CIBAR1: variants seen among roughly 807,000 people sequenced by gnomAD.
The protein encoded by CIBAR1 is CBY1-interacting BAR domain-containing protein 1.
A neutral mutation model predicts 44.0 loss-of-function variants in CIBAR1; 25 were observed. The ratio of observed to expected loss-of-function variants is 0.57; its 90% CI spans 0.41 to 0.79. The LOEUF is 0.79. Ranked by LOEUF, CIBAR1 falls within the 30% of genes least tolerant of loss-of-function variation. CIBAR1 has a pLI of 0.00. For synonymous variants in CIBAR1, 115 were observed against 119.0 expected, an observed-to-expected ratio of 0.97 and a Z score of 0.22; for missense variants, 278 against 344.8, an observed-to-expected ratio of 0.81 and a Z score of 1.53.
intron 2 of CIBAR1, 67 bp downstream of exon 2, chr8:93,701,525 G>C: frequency 7.2e-7 from 1 of 1,393,660 alleles, no homozygotes; most frequent in Non-Finnish European, 9.9e-7. Context: ...AGGAACCGTG[G>C]AAACTTTCAC....
intron 8 of CIBAR1, 102 bp downstream of exon 8, chr8:93,726,615 C>A (rs1395522807): frequency 2.9e-6 from 4 of 1,364,618 alleles, no homozygotes; most frequent in Non-Finnish European, 4.1e-6. Flanking sequence ...GGTAACTTAT[C>A]CTCCCCTGGA....
At chr8:93,727,537 A>G (rs1811574759) in intron 8 of CIBAR1, among the ~76,000 whole-genome samples, 3 of 152,156 alleles carry the variant, frequency 2.0e-5, no homozygotes, top group African/African-American at 7.2e-5. Context: ...CCAGGGAGGA[A>G]GAAGGGGACG....
chr8:93,720,278 G>A (rs989190307), intron 7 of CIBAR1, among the ~76,000 whole-genome samples: 2 of 151,930 alleles, frequency 1.3e-5, no homozygotes. Context: ...CACTGCGCCT[G>A]GCCTAGTTTT....
chr8:93,712,739 G>A (rs2130327306), intron 6 of CIBAR1, among the ~76,000 whole-genome samples: 1 of 150,958 alleles, frequency 6.6e-6, no homozygotes, highest in South Asian at 2.1e-4. Context: ...TCTCCTAGTG[G>A]ATTTGAAGTA....
chr8:93,708,195 TG>T (rs1745531206), intron 5 of CIBAR1, among the ~76,000 whole-genome samples, 179 bp downstream of exon 5: 1 of 152,202 alleles, frequency 6.6e-6, no homozygotes. Flanking sequence ...TGATGATATA[TG>T]TGACTTTTGA....
intron 4 of CIBAR1, among the ~76,000 whole-genome samples, chr8:93,706,504 G>A (rs1293042685): frequency 6.6e-6 from 1 of 152,130 alleles, no homozygotes; most frequent in African/African-American, 2.4e-5. Context: ...GAGTTGGGGA[G>A]GTGGTGATAC....
intron 6 of CIBAR1, among the ~76,000 whole-genome samples, chr8:93,714,198 C>T (rs1810945812): frequency 6.6e-6 from 1 of 151,960 alleles, no homozygotes; most frequent in South Asian, 2.1e-4. Flanking sequence ...AAACTTCTTC[C>T]TAAGTATTTT....
At chr8:93,725,316 G>A (rs1408273920) in intron 7 of CIBAR1, among the ~76,000 whole-genome samples, 1 of 152,116 alleles carries the variant, frequency 6.6e-6, no homozygotes, top group Non-Finnish European at 1.5e-5. Flanking sequence ...TGGCCTAAAG[G>A]AAACCCTTTA....
chr8:93,712,216 G>C (rs1230952995), intron 6 of CIBAR1, among the ~76,000 whole-genome samples: 1 of 152,064 alleles, frequency 6.6e-6, no homozygotes, highest in East Asian at 1.9e-4. Flanking sequence ...TTTAGCTTTT[G>C]CCCCCCTGCC....
intron 6 of CIBAR1, among the ~76,000 whole-genome samples, chr8:93,710,643 G>A (rs1336908508): frequency 1.3e-5 from 2 of 151,932 alleles, no homozygotes; most frequent in African/African-American, 4.8e-5. Flanking sequence ...AGACCAGCCT[G>A]GCCAATGTGG....
intron 7 of CIBAR1, among the ~76,000 whole-genome samples, chr8:93,722,155 A>G (rs1811288339): frequency 6.6e-6 from 1 of 152,248 alleles, no homozygotes; most frequent in Non-Finnish European, 1.5e-5. Flanking sequence ...GAACTGTGGA[A>G]CCAGGGGAAG....
In CIBAR1 at chr8:93,705,015, C is replaced by G; in HGVS notation, c.432+5C>G. On this transcript the variant is annotated splice_donor_5th_base_variant and intron_variant, in intron 4 of 8. Coordinates refer to ENST00000518322, the MANE Select transcript of CIBAR1 (RefSeq NM_145269.5). ...CCATCTGATCGACATGTTATTGTATCCTTTGAATTTGGGTCTTTAAAAAAA... is the reference window on the plus strand; with the variant it reads ...CCATCTGATCGACATGTTATTGTATGCTTTGAATTTGGGTCTTTAAAAAAA... 2 of 1,603,454 alleles carry G rather than the reference C, an allele frequency of 1.2e-6. No homozygotes were observed. The highest frequency in any genetic ancestry group is 4.5e-5 in the East Asian group (2 of 44,736).
At chr8:93,728,072 A>G in intron 8 of CIBAR1, 133 bp from the exon 9 acceptor site, 1 of 481,782 alleles carries the variant, frequency 2.1e-6, no homozygotes, top group Non-Finnish European at 3.6e-6. Context: ...AATTTTCACT[A>G]CTAAAAATTA....
intron 8 of CIBAR1, chr8:93,727,068 A>C (rs1400167219): frequency 1.8e-6 from 1 of 563,868 alleles, no homozygotes; most frequent in Non-Finnish European, 3.1e-6. Context: ...ATAAATAACA[A>C]CTGTTAAGTA....
In CIBAR1 at chr8:93,729,326, C is replaced by G. The variant is rs1342525273; in HGVS notation, c.*1029C>G. ...ATAGTCCTAAGTGACAAAGTTGTTT[C>G]AGTACTTTTTTGTAAAATATTTAAA... On this transcript the variant is annotated 3_prime_UTR_variant, in exon 9 of 9. Transcript: ENST00000518322. The G allele has an allele frequency of 1.3e-5, 2 of 152,056 alleles. No individual in the cohort carries two copies. Among genetic ancestry groups the G allele is most frequent in the East Asian group, 3.9e-4 (2 of 5,194 alleles). 9.4% of individuals were successfully genotyped at this position (152,056 alleles called of 1,614,324 possible).
rs3750290 is a variant in CIBAR1 at position 93,701,088 on chromosome 8, G to A, written c.27-136G>A. The A allele has an allele frequency of 3.5e-4, 525 of 1,483,126 alleles. 5 individuals carry two copies. In the East Asian group the frequency reaches 0.011, roughly 31 times the overall value. 91.9% of individuals were successfully genotyped at this position (1,483,126 alleles called of 1,614,324 possible). On this transcript the variant is annotated intron_variant, in intron 1 of 8. Coordinates refer to ENST00000518322, the MANE Select transcript of CIBAR1 (RefSeq NM_145269.5). ...GACCCCATGGAGAGCAGTCCGCGCC[G>A]GGAGACGCTGGGTCGTTGATGGGTT...
Position 93,700,634 on chromosome 8 carries a change from G to A in CIBAR1, c.-14G>A, listed in dbSNP as rs1411978240. 4.7e-6 allele frequency: 7 copies of A among 1,498,684 alleles called. No individual in the cohort carries two copies. In the Admixed American group the frequency reaches 1.1e-4, roughly 25 times the overall value. The allele number at this position is 1,498,684 out of a possible 1,614,324, so 92.8% of individuals were successfully genotyped here. On this transcript the variant is annotated 5_prime_UTR_variant, in exon 1 of 9. The change creates a new upstream start codon in the 5' untranslated region. Coordinates refer to ENST00000518322, the MANE Select transcript of CIBAR1 (RefSeq NM_145269.5). ...TTGGGCCCCCGCAAGGTCCCCGGCC[G>A]TGCGCGAGGCAGCATGATGAGGCGC...
At chr8:93,720,963 C>G (rs1390503712) in intron 7 of CIBAR1, 1 of 152,062 alleles carries the variant, frequency 6.6e-6, no homozygotes, top group Non-Finnish European at 1.5e-5. Context: ...AGCTACTGAT[C>G]TTTGCATTTT....
intron 2 of CIBAR1, chr8:93,702,390 C>A: frequency 2.6e-6 from 1 of 388,794 alleles, no homozygotes; most frequent in Non-Finnish European, 5.1e-6. Flanking sequence ...ACAGGTAATC[C>A]TAAAATCTTA....
Sources: allele counts gnomAD v4.1 joint callset (sites outside exome capture counted in the v4.1 genomes callset), GRCh38; gene constraint gnomAD v4.1.1; transcripts MANE v1.5; gene names NCBI Gene and HGNC (gene_info 2026-07-23, HGNC 2026-07-21).